Variants in MGAT4C observed in about 807,000 individuals in gnomAD.
MGAT4C encodes alpha-1,3-mannosyl-glycoprotein 4-beta-N-acetylglucosaminyltransferase C.
In MGAT4C, 19 loss-of-function variants were observed where a neutral mutation model predicts 40.1. That is an observed-to-expected ratio of 0.47 (90% CI 0.33 to 0.70). The LOEUF (loss-of-function observed/expected upper bound fraction) is 0.70. Among genes scored for constraint, MGAT4C ranks in the 30% least tolerant of loss-of-function variants. The pLI, the probability that MGAT4C is intolerant of heterozygous loss-of-function variation, is 0.02. For synonymous variants in MGAT4C, 181 were observed against 187.1 expected (o/e 0.97, Z 0.27); for missense variants, 491 against 563.2 (o/e 0.87, Z 1.30).
chr12:86,029,922 G>C (rs1890588722), intron 2 of MGAT4C, among the ~76,000 whole-genome samples: 1 of 151,886 alleles, frequency 6.6e-6, no homozygotes, highest in Admixed American at 6.6e-5. Context: ...TATAGAAACA[G>C]TTATTTAATA....
intron 1 of MGAT4C, among the ~76,000 whole-genome samples, chr12:86,238,614 G>C (rs1427294428): frequency 6.6e-6 from 1 of 151,888 alleles, no homozygotes; most frequent in Non-Finnish European, 1.5e-5. Flanking sequence ...TCAAATTGTT[G>C]AGCCTTTTTA....
Position 85,979,236 on chromosome 12 carries a change from A to G in MGAT4C, c.*53T>C. 1 of 1,424,360 alleles carries G rather than the reference A, an allele frequency of 7.0e-7. No individual in the cohort carries two copies. The highest frequency in any genetic ancestry group is 9.5e-7 in the Non-Finnish European group (1 of 1,053,404). The allele number at this position is 1,424,360 out of a possible 1,614,324, so 88.2% of individuals were successfully genotyped here. A position where few individuals can be genotyped will look rare whatever the true frequency, so the allele number is the denominator to read the frequency against. On this transcript the variant is annotated 3_prime_UTR_variant, in exon 5 of 5. Coordinates refer to ENST00000611864, the MANE Select transcript of MGAT4C (RefSeq NM_001351288.2). ...TTCCCTCCAAAAGACAAAGGTAGCA[A>G]AAGACGAAGCAGGAAGAACTGCTTC...
intron 1 of MGAT4C, among the ~76,000 whole-genome samples, chr12:86,734,985 C>T (rs78408647): frequency 0.021 from 3,144 of 151,932 alleles, 101 homozygotes; most frequent in African/African-American, 0.071. Context: ...TATTTAATTG[C>T]GGAACTTGGC....
intron 1 of MGAT4C, among the ~76,000 whole-genome samples, chr12:86,780,811 C>T (rs892127146): frequency 5.3e-5 from 8 of 152,204 alleles, no homozygotes; most frequent in African/African-American, 1.9e-4. Context: ...TCCCCTCTCA[C>T]TCTCCTACCC....
At chr12:86,463,188 G>A (rs1444186220) in intron 2 of MGAT4C, among the ~76,000 whole-genome samples, 1 of 152,006 alleles carries the variant, frequency 6.6e-6, no homozygotes. Flanking sequence ...TCATACATTT[G>A]CTATATCCTT....
intron 2 of MGAT4C, among the ~76,000 whole-genome samples, chr12:86,562,827 G>T (rs1959933728): frequency 6.6e-6 from 1 of 152,092 alleles, no homozygotes; most frequent in Non-Finnish European, 1.5e-5. Context: ...ACATAAAGTT[G>T]CATCAAATTG....
At chr12:86,103,362 T>C (rs2135603604) in intron 1 of MGAT4C, among the ~76,000 whole-genome samples, 1 of 152,260 alleles carries the variant, frequency 6.6e-6, no homozygotes, top group African/African-American at 2.4e-5. Context: ...CTAAGAGGGA[T>C]GCTAAGCAAG....
At chr12:86,199,450 TA>T (rs1386842235) in intron 1 of MGAT4C, among the ~76,000 whole-genome samples, 6 of 152,156 alleles carry the variant, frequency 3.9e-5, no homozygotes, top group African/African-American at 1.4e-4. Flanking sequence ...TGTATTTTTT[TA>T]AGTTTTAAAA....
chr12:86,414,687 T>C (rs1956674037), intron 3 of MGAT4C, among the ~76,000 whole-genome samples: 2 of 152,140 alleles, frequency 1.3e-5, no homozygotes, highest in Non-Finnish European at 2.9e-5. Context: ...TAGTGTACCT[T>C]AATGGCTGAC....
intron 2 of MGAT4C, among the ~76,000 whole-genome samples, chr12:86,486,376 GCACACACACA>G (rs59222713): frequency 0.35 from 48,566 of 139,952 alleles, 9,601 homozygotes; most frequent in Middle Eastern, 0.48. Context: ...GATCTATCAT[GCACACACACA>G]CACACACACA....
At chr12:86,059,540 T>G (rs1459069422) in intron 1 of MGAT4C, among the ~76,000 whole-genome samples, 1 of 152,238 alleles carries the variant, frequency 6.6e-6, no homozygotes. Context: ...GCGTTCTCTG[T>G]GAGCTACAGG....
intron 1 of MGAT4C, among the ~76,000 whole-genome samples, chr12:86,157,193 C>T (rs200053994): frequency 1.6e-4 from 25 of 151,572 alleles, no homozygotes; most frequent in East Asian, 3.9e-4. Context: ...TTTTTTTTAA[C>T]GGAAAGTGCA....
At chr12:86,655,291 C>A (rs1963817094) in intron 2 of MGAT4C, among the ~76,000 whole-genome samples, 1 of 152,044 alleles carries the variant, frequency 6.6e-6, no homozygotes. Flanking sequence ...CTATGCGGTT[C>A]TTAATTGCTT....
intron 3 of MGAT4C, among the ~76,000 whole-genome samples, chr12:86,347,516 C>G (rs931979245): frequency 2.0e-5 from 3 of 152,094 alleles, no homozygotes; most frequent in South Asian, 4.2e-4. Flanking sequence ...GAACAAATCC[C>G]GTTTGTCTCA....
At chr12:86,795,740 C>G (rs1952103513) in intron 1 of MGAT4C, among the ~76,000 whole-genome samples, 1 of 151,890 alleles carries the variant, frequency 6.6e-6, no homozygotes, top group South Asian at 2.1e-4. Flanking sequence ...CCATCTACTT[C>G]CCCACAAACC....
chr12:86,718,077 A>G (rs1950676224), intron 2 of MGAT4C, among the ~76,000 whole-genome samples: 1 of 152,124 alleles, frequency 6.6e-6, no homozygotes, highest in African/African-American at 2.4e-5. Context: ...TTCTCTATTG[A>G]TACAAACTAA....
At chr12:86,341,921 C>T (rs953612945) in intron 3 of MGAT4C, among the ~76,000 whole-genome samples, 1 of 152,128 alleles carries the variant, frequency 6.6e-6, no homozygotes, top group African/African-American at 2.4e-5. Context: ...GTGACTTAAC[C>T]ATTCGAGCCT....
intron 1 of MGAT4C, among the ~76,000 whole-genome samples, chr12:86,207,720 T>C (rs1950313143): frequency 6.6e-6 from 1 of 152,180 alleles, no homozygotes. Context: ...AGGTAATATG[T>C]AGGATTCAAG....
rs542779699 is a variant in MGAT4C at position 86,537,297 on chromosome 12, A to G, written c.-228-102032T>C. Among the ~76,000 whole-genome samples the G allele has an allele frequency of 1.9e-4, 29 of 152,226 alleles. No individual in the cohort carries two copies. The East Asian group carries it at 5.0e-3, about 26-fold the overall frequency. ...AATGACGAGTTAATGGGTGCAGCAC[A>G]CCAACATGGCACATGTATACATATG... is the stretch of plus-strand genomic sequence containing the variant. On this transcript the variant is annotated intron_variant, in intron 2 of 7. Coordinates refer to the MGAT4C transcript ENST00000548651.
Sources: allele counts gnomAD v4.1 joint callset (sites outside exome capture counted in the v4.1 genomes callset), GRCh38; gene constraint gnomAD v4.1.1; transcripts MANE v1.5; gene names NCBI Gene and HGNC (gene_info 2026-07-23, HGNC 2026-07-21).